The following CSMD1 variants were observed in gnomAD, a reference collection of about 807,000 sequenced individuals.
The protein encoded by CSMD1 is CUB and sushi domain-containing protein 1.
A neutral mutation model predicts 417.5 loss-of-function variants in CSMD1; 213 were observed. The observed-to-expected ratio is 0.51, with a 90% CI of 0.46 to 0.57. The LOEUF (loss-of-function observed/expected upper bound fraction) is 0.57. Among genes scored for constraint, CSMD1 ranks in the 20% least tolerant of loss-of-function variants. CSMD1 has a pLI of 0.00. For missense variants in CSMD1, 6,923 were observed against 4,529.7 expected, an observed-to-expected ratio of 1.53 and a Z score of -15.17; for synonymous variants, 2,862 against 1,736.8, an observed-to-expected ratio of 1.65 and a Z score of -16.11.
At chr8:3,782,571 A>C (rs1024267079) in intron 5 of CSMD1, among the ~76,000 whole-genome samples, 1 of 152,142 alleles carries the variant, frequency 6.6e-6, no homozygotes, top group Non-Finnish European at 1.5e-5. Flanking sequence ...GGCGCAGCAA[A>C]CCAACATGGC....
At chr8:3,777,437 G>T (rs1166536077) in intron 5 of CSMD1, among the ~76,000 whole-genome samples, 1 of 152,150 alleles carries the variant, frequency 6.6e-6, no homozygotes, top group Non-Finnish European at 1.5e-5. Context: ...CAGGCCTCAG[G>T]CAGGCTTCAA....
intron 3 of CSMD1, among the ~76,000 whole-genome samples, chr8:4,176,342 G>A (rs188107110): frequency 1.3e-5 from 2 of 151,986 alleles, no homozygotes; most frequent in Non-Finnish European, 2.9e-5. Flanking sequence ...CTTTTAAATT[G>A]AAAATAAATT....
chr8:3,963,433 G>A lies in CSMD1; in HGVS notation c.818+34470C>T, dbSNP rs192282299. Among the ~76,000 whole-genome samples the A allele has an allele frequency of 1.2e-3, 175 of 152,172 alleles. 1 individual carries two copies. Among genetic ancestry groups the A allele is most frequent in the Non-Finnish European group, 1.9e-3 (127 of 68,010 alleles). ...CTAAGTAGCTTGAAAATATCTCGCTGGTCTCTTTGTCCAACTTAAGGTGAA... is the reference window on the plus strand; with the variant it reads ...CTAAGTAGCTTGAAAATATCTCGCTAGTCTCTTTGTCCAACTTAAGGTGAA... On this transcript the variant is annotated intron_variant, in intron 5 of 69. Coordinates refer to ENST00000635120, the MANE Select transcript of CSMD1 (RefSeq NM_033225.6).
chr8:3,128,523 A>C, intron 41 of CSMD1: 1 of 259,594 alleles, frequency 3.9e-6, no homozygotes, highest in South Asian at 4.2e-5. Context: ...CTTAGGAGTT[A>C]TTAATTATAA....
At chr8:3,200,631 G>A (rs1796944728) in intron 32 of CSMD1, among the ~76,000 whole-genome samples, 2 of 151,670 alleles carry the variant, frequency 1.3e-5, no homozygotes, top group Admixed American at 1.3e-4. Flanking sequence ...ATGTGGAAGA[G>A]TCTGTGTCAA....
At chr8:3,070,967 G>T (rs1034690180) in intron 49 of CSMD1, among the ~76,000 whole-genome samples, 13 of 152,236 alleles carry the variant, frequency 8.5e-5, no homozygotes, top group Non-Finnish European at 1.5e-4. Context: ...GCTGGCATCT[G>T]TTCAGCTCCT....
chr8:4,126,187 T>G (rs1802754182), intron 3 of CSMD1, among the ~76,000 whole-genome samples: 1 of 152,004 alleles, frequency 6.6e-6, no homozygotes, highest in African/African-American at 2.4e-5. Flanking sequence ...AAATTACCAT[T>G]AAAAACCCTG....
At position 3,219,344 on chromosome 8, in the gene CSMD1, T is replaced by A; in HGVS notation, c.4583A>T (p.Glu1528Val). The A allele has an allele frequency of 2.5e-6, 4 of 1,578,216 alleles. No individual in the cohort carries two copies. The highest frequency in any genetic ancestry group is 3.4e-6 in the Non-Finnish European group (4 of 1,160,964). ...IGSYQGSQAP[E>V]RIESSGNSLF... The stretch of plus-strand genomic sequence containing the variant: ...GCTGTTTCCGCTACTCTCTATTCTT[T>A]CTGGGGCCTGAGAGCCCTGGTAACT... The change falls in exon 29 of 70, where the codon GAA becomes GTA. Residue 1528 changes from glutamate to valine, a missense_variant. Physicochemically the swap from Glu to Val is moderately radical, Grantham distance 121. Transcript: ENST00000635120.
intron 3 of CSMD1, among the ~76,000 whole-genome samples, chr8:4,263,620 A>C (rs1804036829): frequency 6.6e-6 from 1 of 152,194 alleles, no homozygotes; most frequent in African/African-American, 2.4e-5. Context: ...GGAAATTGTC[A>C]AATAGGAAAC....
chr8:4,773,722 T>C (rs1159289793), intron 1 of CSMD1, among the ~76,000 whole-genome samples: 2 of 152,180 alleles, frequency 1.3e-5, no homozygotes, highest in Admixed American at 6.5e-5. Context: ...ACTCTTATGA[T>C]GAACATTACC....
chr8:4,830,290 T>C (rs763507352), intron 1 of CSMD1, among the ~76,000 whole-genome samples: 4 of 152,140 alleles, frequency 2.6e-5, no homozygotes, highest in Non-Finnish European at 5.9e-5. Context: ...AACCATGAGG[T>C]TTCTATTTCC....
At chr8:4,130,927 G>C (rs1180651038) in intron 3 of CSMD1, among the ~76,000 whole-genome samples, 1 of 151,920 alleles carries the variant, frequency 6.6e-6, no homozygotes, top group Non-Finnish European at 1.5e-5. Flanking sequence ...AATTATTCAG[G>C]CTTTCTGAAT....
intron 6 of CSMD1, among the ~76,000 whole-genome samples, chr8:3,724,278 A>T (rs1208403925): frequency 1.3e-5 from 2 of 152,008 alleles, no homozygotes; most frequent in Non-Finnish European, 2.9e-5. Flanking sequence ...TACATGTGCC[A>T]TGCTGGTGTG....
intron 5 of CSMD1, among the ~76,000 whole-genome samples, chr8:3,781,647 T>G (rs1193366151): frequency 6.6e-6 from 1 of 152,196 alleles, no homozygotes; most frequent in African/African-American, 2.4e-5. Context: ...TGATTGTCCC[T>G]GTGATGTGAA....
intron 50 of CSMD1, among the ~76,000 whole-genome samples, chr8:3,051,875 C>G (rs1811843041): frequency 6.6e-6 from 1 of 152,100 alleles, no homozygotes; most frequent in African/African-American, 2.4e-5. Flanking sequence ...TTCCATAAGA[C>G]TAGAGTTTCA....
intron 10 of CSMD1, among the ~76,000 whole-genome samples, chr8:3,510,128 G>C (rs1442761615): frequency 6.7e-6 from 1 of 149,414 alleles, no homozygotes; most frequent in Non-Finnish European, 1.5e-5. Context: ...GACATGAATT[G>C]ACAGAGAATA....
intron 25 of CSMD1, among the ~76,000 whole-genome samples, chr8:3,301,707 G>T (rs149727344): frequency 6.6e-6 from 1 of 152,104 alleles, no homozygotes; most frequent in African/African-American, 2.4e-5. Context: ...CTGGAAAGCC[G>T]CACTAAGCCA....
rs796581061 is a variant in CSMD1 at position 3,006,671 on chromosome 8, G to A, written c.8030-6540C>T. On this transcript the variant is annotated intron_variant, in intron 52 of 69. Transcript: ENST00000635120. ...AAACCTGAGAAAAACAAGCAATGGG[G>A]AAAGGATTCCCTATTTAATAAATGG... Among the ~76,000 whole-genome samples, 21 of 150,604 alleles carry A rather than the reference G, an allele frequency of 1.4e-4. No homozygotes were observed. The South Asian group carries it at 2.9e-3, about 21-fold the overall frequency.
At chr8:3,515,260 T>G in intron 10 of CSMD1, 1 of 152,220 alleles carries the variant, frequency 6.6e-6, no homozygotes, top group East Asian at 1.9e-4. Context: ...ATAACAGCAC[T>G]GTACCTGCTT....
Sources: allele counts gnomAD v4.1 joint callset (sites outside exome capture counted in the v4.1 genomes callset), GRCh38; gene constraint gnomAD v4.1.1; transcripts MANE v1.5; gene names NCBI Gene and HGNC (gene_info 2026-07-23, HGNC 2026-07-21).